CPAMD8: variants seen among roughly 807,000 people sequenced by gnomAD.
The protein encoded by CPAMD8 is C3 and PZP like alpha-2-macroglobulin domain containing 8.
A neutral mutation model predicts 224.7 loss-of-function variants in CPAMD8; 146 were observed. That is an observed-to-expected ratio of 0.65 (90% CI 0.57 to 0.75). CPAMD8 has a LOEUF of 0.75. Ranked by LOEUF, CPAMD8 falls within the 30% of genes least tolerant of loss-of-function variation. CPAMD8 has a pLI of 0.00. For synonymous variants in CPAMD8, 966 were observed against 1,044.6 expected (o/e 0.92, Z 1.45); for missense variants, 2,301 against 2,537.5 (o/e 0.91, Z 2.00).
At chr19:16,920,855 CAAAAAAAAAAAAAA>C (rs200039066) in intron 27 of CPAMD8, among the ~76,000 whole-genome samples, 1 of 119,088 alleles carries the variant, frequency 8.4e-6, no homozygotes, top group African/African-American at 3.9e-5. Flanking sequence ...GACTCTATCT[CAAAAAAAAAAAAAA>C]AAAAAAAAAA....
chr19:16,953,929 C>T (rs1234622108), intron 19 of CPAMD8, among the ~76,000 whole-genome samples: 1 of 152,020 alleles, frequency 6.6e-6, no homozygotes, highest in Non-Finnish European at 1.5e-5. Context: ...CAATGAGATG[C>T]CACTTCATGT....
At position 16,993,483 on chromosome 19, in the gene CPAMD8, G is replaced by A; in HGVS notation, c.1199C>T (p.Ser400Phe). The change falls in exon 12 of 42, where the codon TCC (serine) becomes TTC (phenylalanine). Residue 400 changes from serine (S) to phenylalanine (F), a missense_variant. Ser to Phe is a radical substitution (Grantham distance 155). Transcript: ENST00000443236. ...KDNIYTSEVVSQRGLVGFEIP... is the reference protein window; with the variant it reads ...KDNIYTSEVVFQRGLVGFEIP... ...TTCAAACCCCACTAGTCCACGCTGG[G>A]ACACAACTTCACTGGTGTAGATGTT... 1 of 1,613,980 alleles carries A rather than the reference G, an allele frequency of 6.2e-7. No individual in the cohort carries two copies. Among genetic ancestry groups the A allele is most frequent in the South Asian group, 1.1e-5 (1 of 91,070 alleles).
chr19:16,976,686 G>C (rs1042097071), intron 15 of CPAMD8, among the ~76,000 whole-genome samples: 3 of 151,930 alleles, frequency 2.0e-5, no homozygotes, highest in Non-Finnish European at 4.4e-5. Context: ...AGGGAACACA[G>C]AGGGACAGGC....
At chr19:16,933,482 G>A (rs1271747345) in intron 23 of CPAMD8, among the ~76,000 whole-genome samples, 1 of 151,862 alleles carries the variant, frequency 6.6e-6, no homozygotes, top group East Asian at 1.9e-4. Context: ...ATCTCAAAAT[G>A]CAATAAAAAA....
In CPAMD8 at chr19:16,897,971, G is replaced by A. The variant is rs774235475; in HGVS notation, c.4872C>T (p.Cys1624=). 1.2e-6 allele frequency: 2 copies of A among 1,610,966 alleles called. No individual in the cohort carries two copies. Among genetic ancestry groups the A allele is most frequent in the East Asian group, 2.2e-5 (1 of 44,792 alleles). Residue 1624 remains cysteine, a synonymous_variant, in exon 38 of 42, where the codon TGC becomes TGT. Coordinates refer to ENST00000443236, the MANE Select transcript of CPAMD8 (RefSeq NM_015692.5). Reference sequence around the variant, plus strand: ...ACTCCCGGAGAGCACGGAACCGCACGCACGTCAGGCACCGGCTGGGGATCT... The same window carrying A: ...ACTCCCGGAGAGCACGGAACCGCACACACGTCAGGCACCGGCTGGGGATCT... ...FDEIPSRCLT[C]VRFRALRECV...
At chr19:16,959,802 G>A (rs1342778177) in intron 18 of CPAMD8, among the ~76,000 whole-genome samples, 1 of 151,866 alleles carries the variant, frequency 6.6e-6, no homozygotes, top group Non-Finnish European at 1.5e-5. Flanking sequence ...GCCTCTCAAA[G>A]TGGTGGTATT....
chr19:17,020,276 A>C (rs1234967713), intron 3 of CPAMD8, 55 bp downstream of exon 3: 8 of 1,409,424 alleles, frequency 5.7e-6, no homozygotes. Flanking sequence ...GCCTGGCCCA[A>C]TTCAATTCTT....
At chr19:16,957,608 C>T in intron 19 of CPAMD8, 2 of 507,064 alleles carry the variant, frequency 3.9e-6, no homozygotes, top group Non-Finnish European at 7.1e-6. Context: ...TAGAGTAACC[C>T]CAAGAGGGAG....
intron 17 of CPAMD8, 122 bp from the exon 18 acceptor site, chr19:16,971,155 G>T: frequency 1.2e-6 from 1 of 822,606 alleles, no homozygotes; most frequent in Non-Finnish European, 1.8e-6. Context: ...CAACCTTGGG[G>T]GCATCATTCT....
intron 23 of CPAMD8, among the ~76,000 whole-genome samples, chr19:16,931,134 C>T (rs1357181126): frequency 6.6e-6 from 1 of 152,202 alleles, no homozygotes; most frequent in Non-Finnish European, 1.5e-5. Flanking sequence ...ACTGCACCCT[C>T]CCCAGTAGCA....
chr19:16,967,925 A>ACG lies in CPAMD8; in HGVS notation c.2213+2965_2213+2966insCG, dbSNP rs1491401902. Among the ~76,000 whole-genome samples the ACG allele has an allele frequency of 3.6e-3, 356 of 97,922 alleles. 5 individuals are homozygous for ACG. The highest frequency in any genetic ancestry group is 0.01 in the African/African-American group (341 of 33,218). 64.2% of individuals were successfully genotyped at this position (97,922 alleles called of 152,430 possible). ...TATATATGTGCATATATACACACAC[A>ACG]TGTGTGTATATATATACATGTTGCT... On this transcript the variant is annotated intron_variant, in intron 18 of 41. Transcript: ENST00000443236.
At chr19:16,901,186 C>T (rs754600808) in intron 36 of CPAMD8, 24 bp downstream of exon 36, 11 of 1,565,528 alleles carry the variant, frequency 7.0e-6, no homozygotes, top group East Asian at 2.3e-5. Context: ...CCCTGCCCAC[C>T]GCTGCTCACC....
chr19:16,948,860 G>GGGAAA (rs1316427261), intron 20 of CPAMD8, among the ~76,000 whole-genome samples: 3 of 79,106 alleles, frequency 3.8e-5, no homozygotes, highest in South Asian at 5.1e-4. Flanking sequence ...AGGGAAGGGA[G>GGGAAA]GGAAAGGAAA....
At position 16,987,152 on chromosome 19, in the gene CPAMD8, C is replaced by CAAAAAAAAAAA. The variant is rs1214757739; in HGVS notation, c.1395+2480_1395+2490dup. Among the ~76,000 whole-genome samples the CAAAAAAAAAAA allele has an allele frequency of 1.7e-4, 4 of 23,004 alleles. 1 individual carries two copies. The highest frequency in any genetic ancestry group is 3.4e-4 in the Non-Finnish European group (4 of 11,940). The allele number at this position is 23,004 out of a possible 152,430, so 15.1% of individuals were successfully genotyped here. On this transcript the variant is annotated intron_variant, in intron 13 of 41. Transcript: ENST00000443236. ...CCAGCCTGGGAGACAGAGACTCTGT[C>CAAAAAAAAAAA]AAAAAAAAAAAAAAAAAAAAAAAAA...
At chr19:16,912,701 C>T (rs756273671) in intron 29 of CPAMD8, among the ~76,000 whole-genome samples, 2 of 152,054 alleles carry the variant, frequency 1.3e-5, no homozygotes, top group South Asian at 4.2e-4. Context: ...CAGCCCTCAC[C>T]CCAAGCCAAA....
chr19:16,903,441 G>A (rs965456656), intron 34 of CPAMD8, 120 bp downstream of exon 34: 4 of 1,445,366 alleles, frequency 2.8e-6, no homozygotes, highest in Non-Finnish European at 3.8e-6. Flanking sequence ...CTGTCCTGCA[G>A]TCTGGCATGC....
chr19:16,988,636 G>A (rs534613982), intron 13 of CPAMD8, among the ~76,000 whole-genome samples: 2 of 151,854 alleles, frequency 1.3e-5, no homozygotes, highest in African/African-American at 4.8e-5. Flanking sequence ...AAAAAAGAAA[G>A]AAAAGAAACA....
In CPAMD8 at chr19:16,975,245, A is replaced by G. The variant is rs758037154; in HGVS notation, c.1922T>C (p.Leu641Pro). The G allele has an allele frequency of 6.2e-7, 1 of 1,604,228 alleles. No individual in the cohort carries two copies. Among genetic ancestry groups the G allele is most frequent in the Non-Finnish European group, 8.5e-7 (1 of 1,174,958 alleles). The change falls in exon 17 of 42, where the codon CTG becomes CCG. Residue 641 changes from leucine to proline, a missense_variant. Physicochemically the swap from Leu to Pro is moderately conservative, Grantham distance 98 (BLOSUM62 -3). Coordinates refer to ENST00000443236, the MANE Select transcript of CPAMD8 (RefSeq NM_015692.5). ...RLTPAQVFQE[L>P]EDYDVSDSFG... ...GGAATCAGAAACATCATAATCTTCCAGTTCCTGGAAAACCTGCAGGCAAAG... is the reference window on the plus strand; with the variant it reads ...GGAATCAGAAACATCATAATCTTCCGGTTCCTGGAAAACCTGCAGGCAAAG...
chr19:17,020,491 G>T, intron 2 of CPAMD8, 138 bp from the exon 3 acceptor site: 1 of 672,516 alleles, frequency 1.5e-6, no homozygotes, highest in Non-Finnish European at 2.6e-6. Context: ...GGTCATGCTG[G>T]CCTGGACTGG....
Sources: gnomAD v4.1 joint callset for allele counts (sites outside exome capture counted in the v4.1 genomes callset) on GRCh38, gnomAD v4.1.1 for gene constraint, MANE v1.5 for transcripts, NCBI Gene and HGNC (gene_info 2026-07-23, HGNC 2026-07-21) for gene names.